Variants in CSMD3 observed in about 807,000 individuals in gnomAD.
The protein encoded by CSMD3 is CUB and Sushi multiple domains 3, also known as CUB and sushi domain-containing protein 3.
A neutral mutation model predicts 435.2 loss-of-function variants in CSMD3; 177 were observed. That is an observed-to-expected ratio of 0.41 (90% confidence interval 0.36 to 0.46). CSMD3 has a LOEUF of 0.46. CSMD3 is among the 20% of genes least tolerant of loss of function. The probability of loss-of-function intolerance (pLI) is 0.34; values close to 1 mark genes in which losing one functional copy is unlikely to be tolerated. For missense variants in CSMD3, 4,265 were observed against 4,504.6 expected (o/e 0.95, Z 1.52); for synonymous variants, 1,656 against 1,520.5 (o/e 1.09, Z -2.07).
chr8:112,772,070 T>TACAGAAAAAATGAC (rs1240506708), intron 13 of CSMD3, among the ~76,000 whole-genome samples: 1 of 151,934 alleles, frequency 6.6e-6, no homozygotes, highest in African/African-American at 2.4e-5. Flanking sequence ...TCAGGAAAGA[T>TACAGAAAAAATGAC]ACAGAAAAAA....
intron 10 of CSMD3, among the ~76,000 whole-genome samples, chr8:112,870,699 A>T (rs2081111335): frequency 6.6e-6 from 1 of 152,174 alleles, no homozygotes; most frequent in Non-Finnish European, 1.5e-5. Context: ...TTTTATTCTG[A>T]AAAATCACGA....
intron 9 of CSMD3, among the ~76,000 whole-genome samples, chr8:112,946,772 C>T (rs574419629): frequency 4.0e-5 from 6 of 151,534 alleles, no homozygotes; most frequent in South Asian, 2.1e-4. Context: ...AAGTTTCGAG[C>T]GTGGTTAAAG....
At chr8:112,448,977 T>C (rs1442610336) in intron 32 of CSMD3, among the ~76,000 whole-genome samples, 2 of 152,190 alleles carry the variant, frequency 1.3e-5, no homozygotes, top group Non-Finnish European at 2.9e-5. Context: ...ATGGAATGGA[T>C]ACATGTTGTT....
At chr8:112,555,700 G>T (rs1563697606) in intron 25 of CSMD3, among the ~76,000 whole-genome samples, 1 of 151,898 alleles carries the variant, frequency 6.6e-6, no homozygotes, top group Non-Finnish European at 1.5e-5. Flanking sequence ...GCAATTAGTT[G>T]CAAGGCCTAT....
intron 10 of CSMD3, among the ~76,000 whole-genome samples, chr8:112,878,776 G>A (rs755377650): frequency 5.3e-5 from 8 of 152,124 alleles, no homozygotes; most frequent in Non-Finnish European, 8.8e-5. Flanking sequence ...GGTGTTGCAG[G>A]AAGTCAGGGA....
chr8:113,180,566 C>G (rs1465467156), intron 3 of CSMD3, among the ~76,000 whole-genome samples: 1 of 151,972 alleles, frequency 6.6e-6, no homozygotes, highest in African/African-American at 2.4e-5. Context: ...ATTTAGCACA[C>G]TGTGTTGTCC....
At chr8:113,264,517 T>C (rs1240479340) in intron 3 of CSMD3, among the ~76,000 whole-genome samples, 4 of 151,366 alleles carry the variant, frequency 2.6e-5, no homozygotes, top group Non-Finnish European at 4.4e-5. Flanking sequence ...CTTTTTCACA[T>C]GAAGCACAAA....
chr8:112,621,243 A>T (rs1245468226), intron 22 of CSMD3, among the ~76,000 whole-genome samples: 2 of 152,116 alleles, frequency 1.3e-5, no homozygotes, highest in East Asian at 1.9e-4. Flanking sequence ...CTCAAAAAAT[A>T]AATTAATTAA....
intron 10 of CSMD3, among the ~76,000 whole-genome samples, chr8:112,903,961 TCA>T (rs934606988): frequency 6.6e-6 from 1 of 151,324 alleles, no homozygotes; most frequent in African/African-American, 2.4e-5. Flanking sequence ...ATTGGGAAAC[TCA>T]CAGTTTTCTA....
intron 3 of CSMD3, among the ~76,000 whole-genome samples, chr8:113,176,428 A>T (rs2092347405): frequency 6.6e-6 from 1 of 152,120 alleles, no homozygotes; most frequent in African/African-American, 2.4e-5. Context: ...TTTCAAAGGC[A>T]AAGCAAGTAT....
rs16883953 is a variant in CSMD3, at chr8:112,689,902, A to G, written c.2121T>C (p.Asn707=). Residue 707 remains asparagine, a synonymous_variant, in exon 14 of 71, where the codon AAT becomes AAC. Coordinates refer to ENST00000297405, the MANE Select transcript of CSMD3 (RefSeq NM_198123.2). ...TGGGTATGTTTGCAGACCATTGGTT[A>G]TTCTCTTGACAAACAATGGATTTCT... ...IGEKSIVCQE[N]NQWSANIPIC... is the part of the protein sequence containing the mutation. 0.026 allele frequency: 42,526 copies of G among 1,613,086 alleles called. 736 individuals carry two copies. Among genetic ancestry groups the G allele is most frequent in the East Asian group, 0.066 (2,937 of 44,784 alleles).
intron 3 of CSMD3, among the ~76,000 whole-genome samples, chr8:113,265,201 T>G (rs1366604813): frequency 6.6e-6 from 1 of 151,492 alleles, no homozygotes; most frequent in Non-Finnish European, 1.5e-5. Context: ...CATTCAAAAA[T>G]CTATGATTTT....
chr8:113,174,005 G>T (rs1258089675), intron 3 of CSMD3, 89 bp from the exon 4 acceptor site: 13 of 922,704 alleles, frequency 1.4e-5, no homozygotes, highest in Non-Finnish European at 2.1e-5. Context: ...TGTAGATATG[G>T]ATATTCTTAT....
chr8:112,363,559 C>G (rs1473497098), intron 38 of CSMD3, among the ~76,000 whole-genome samples: 2 of 151,888 alleles, frequency 1.3e-5, no homozygotes, highest in African/African-American at 4.8e-5. Flanking sequence ...ACCCTGGGTA[C>G]CAGGACCAGT....
intron 11 of CSMD3, among the ~76,000 whole-genome samples, chr8:112,841,602 G>A (rs1048247186): frequency 1.3e-5 from 2 of 151,488 alleles, no homozygotes; most frequent in African/African-American, 2.4e-5. Context: ...TGCAATCCCA[G>A]GTTCTACACT....
At chr8:112,759,490 C>T (rs2077782507) in intron 13 of CSMD3, among the ~76,000 whole-genome samples, 2 of 151,978 alleles carry the variant, frequency 1.3e-5, no homozygotes, top group East Asian at 1.9e-4. Flanking sequence ...TGATTCATAA[C>T]ATTTATATTA....
At position 112,556,902 on chromosome 8, in the gene CSMD3, C is replaced by T. The variant is rs748946402; in HGVS notation, c.4095G>A (p.Lys1365=). 1.9e-6 allele frequency: 3 copies of T among 1,612,156 alleles called. No homozygotes were observed. Among genetic ancestry groups the T allele is most frequent in the Non-Finnish European group, 2.5e-6 (3 of 1,178,794 alleles). Residue 1365 remains lysine, a synonymous_variant, in exon 25 of 71, where the codon AAG becomes AAA. Coordinates refer to ENST00000297405, the MANE Select transcript of CSMD3 (RefSeq NM_198123.2). ...CAGCAAAGTGGCCTTGGTCACTGAT[C>T]TTGTATCCAAATTGTGGAATGCCAG... ...EDPGIPQFGY[K]ISDQGHFAGS...
chr8:113,208,530 A>G (rs1270809505), intron 3 of CSMD3, among the ~76,000 whole-genome samples: 1 of 152,152 alleles, frequency 6.6e-6, no homozygotes, highest in African/African-American at 2.4e-5. Context: ...ATGTATTCCC[A>G]CAATGTTTCT....
intron 11 of CSMD3, among the ~76,000 whole-genome samples, chr8:112,858,185 A>G (rs2080720947): frequency 6.6e-6 from 1 of 151,710 alleles, no homozygotes; most frequent in Non-Finnish European, 1.5e-5. Flanking sequence ...ATAACAATGA[A>G]TTAATAATGT....
Sources: gnomAD v4.1 joint callset for allele counts (sites outside exome capture counted in the v4.1 genomes callset) on GRCh38, gnomAD v4.1.1 for gene constraint, MANE v1.5 for transcripts, NCBI Gene and HGNC (gene_info 2026-07-23, HGNC 2026-07-21) for gene names.